DHX36: variants seen among roughly 807,000 people sequenced by gnomAD.
The protein encoded by DHX36 is ATP-dependent DNA/RNA helicase DHX36.
A neutral mutation model predicts 139.0 loss-of-function variants in DHX36; 50 were observed. The observed-to-expected ratio is 0.36, with a 90% CI of 0.29 to 0.46. DHX36 has a LOEUF of 0.46. DHX36 is among the 20% of genes least tolerant of loss of function. The pLI, the probability that DHX36 is intolerant of heterozygous loss-of-function variation, is 1.00. For missense variants in DHX36, 1,024 were observed against 1,211.3 expected, an observed-to-expected ratio of 0.85 and a Z score of 2.29; for synonymous variants, 425 against 401.9, an observed-to-expected ratio of 1.06 and a Z score of -0.69.
chr3:154,306,123 TC>T, intron 6 of DHX36, 92 bp downstream of exon 6: 4 of 931,500 alleles, frequency 4.3e-6, no homozygotes, highest in Non-Finnish European at 6.8e-6. Flanking sequence ...GTAATAACCA[TC>T]ATAAAAATGG....
chr3:154,310,065 C>G (rs1712671936), intron 4 of DHX36, among the ~76,000 whole-genome samples: 1 of 151,994 alleles, frequency 6.6e-6, no homozygotes, highest in South Asian at 2.1e-4. Context: ...TTGACATAAA[C>G]AAGAAGAGAC....
chr3:154,323,993 C>G (rs1165493522), intron 1 of DHX36, among the ~76,000 whole-genome samples, 181 bp downstream of exon 1: 1 of 152,198 alleles, frequency 6.6e-6, no homozygotes, highest in Non-Finnish European at 1.5e-5. Flanking sequence ...GTCAGATGAG[C>G]ATGGCTAATG....
intron 8 of DHX36, 46 bp from the exon 9 acceptor site, chr3:154,303,456 T>C (rs1277932892): frequency 1.5e-6 from 2 of 1,335,480 alleles, no homozygotes; most frequent in East Asian, 4.7e-5. Flanking sequence ...ACTCAAATGT[T>C]AAAAACATTA....
rs908638366 is a variant in DHX36, at chr3:154,288,921, A to G, written c.1976T>C (p.Met659Thr). The G allele has an allele frequency of 5.7e-6, 9 of 1,591,210 alleles. No individual in the cohort carries two copies. The Admixed American group carries it at 8.5e-5, about 15-fold the overall frequency. ...CACTGCCTCATTTGATGGTGGGTCC[A>G]TTAATCTACTCAGAAAATAAGCAAT... The part of the protein sequence containing the change: ...GGIAYFLSRL[M>T]DPPSNEAVLL... Residue 659 changes from methionine (M) to threonine (T), a missense_variant, in exon 17 of 25, where the codon ATG becomes ACG. Coordinates refer to ENST00000496811, the MANE Select transcript of DHX36 (RefSeq NM_020865.3).
rs529965388 is a variant in DHX36 at position 154,303,346 on chromosome 3, A to T, written c.1200T>A (p.Asp400Glu). ...TFPVVEYLLE[D>E]VIEKIRYVPE... is the part of the protein sequence containing the mutation. ...TTACTTACCTTATTTTTTCAATTAC[A>T]TCTTCCAAAAGATATTCCACAACCG... The change falls in exon 9 of 25, where the codon GAT becomes GAA. Residue 400 changes from aspartate to glutamate, a missense_variant. By Grantham distance (45) the Asp-to-Glu change is conservative. Coordinates refer to ENST00000496811, the MANE Select transcript of DHX36 (RefSeq NM_020865.3). The T allele has an allele frequency of 8.7e-6, 14 of 1,602,718 alleles. No individual in the cohort carries two copies. The highest frequency in any genetic ancestry group is 1.1e-5 in the Non-Finnish European group (13 of 1,174,044).
intron 13 of DHX36, among the ~76,000 whole-genome samples, chr3:154,294,783 T>A (rs1474316925): frequency 6.6e-6 from 1 of 152,224 alleles, no homozygotes; most frequent in African/African-American, 2.4e-5. Flanking sequence ...CATAACATTA[T>A]CCTGCCTCTG....
chr3:154,321,926 C>CAAAAA, intron 1 of DHX36, among the ~76,000 whole-genome samples: 1 of 111,914 alleles, frequency 8.9e-6, no homozygotes, highest in Non-Finnish European at 1.9e-5. Flanking sequence ...GACTCCAACT[C>CAAAAA]AAAAAAAAAA....
At chr3:154,288,042 C>G (rs754836728) in intron 17 of DHX36, among the ~76,000 whole-genome samples, 3 of 150,614 alleles carry the variant, frequency 2.0e-5, no homozygotes, top group Non-Finnish European at 3.0e-5. Flanking sequence ...CGTTATCTAC[C>G]CAACTTGATC....
intron 6 of DHX36, 148 bp downstream of exon 6, chr3:154,306,065 GGCA>G (rs1712489435): frequency 1.9e-6 from 1 of 536,746 alleles, no homozygotes; most frequent in Non-Finnish European, 3.3e-6. Context: ...ATAAATTTGT[GGCA>G]GCAAGTCATC....
intron 19 of DHX36, 134 bp downstream of exon 19, chr3:154,284,447 CTA>C (rs1410243026): frequency 1.5e-6 from 1 of 688,688 alleles, no homozygotes; most frequent in Non-Finnish European, 2.3e-6. Context: ...TCCCAAAGTG[CTA>C]TGATTACAGG....
intron 15 of DHX36, among the ~76,000 whole-genome samples, chr3:154,290,735 A>C (rs1225516055): frequency 6.6e-6 from 1 of 152,148 alleles, no homozygotes; most frequent in African/African-American, 2.4e-5. Context: ...ATAGGAACAA[A>C]AATGAATTCT....
chr3:154,317,764 T>C (rs1713039771), intron 1 of DHX36, among the ~76,000 whole-genome samples: 1 of 151,994 alleles, frequency 6.6e-6, no homozygotes, highest in South Asian at 2.1e-4. Flanking sequence ...GGAGCTAGGG[T>C]AAGGAGACTG....
chr3:154,290,577 A>G (rs191269322), intron 15 of DHX36, among the ~76,000 whole-genome samples: 22 of 149,110 alleles, frequency 1.5e-4, no homozygotes, highest in Admixed American at 7.4e-4. Flanking sequence ...CAGAGGTTGC[A>G]GTGAGCCAAG....
intron 17 of DHX36, 85 bp downstream of exon 17, chr3:154,288,781 G>T: frequency 2.9e-6 from 2 of 684,466 alleles, no homozygotes; most frequent in Non-Finnish European, 4.4e-6. Context: ...CTACTTTGCA[G>T]TAATGAGAGT....
chr3:154,289,907 CA>C (rs1345064606), intron 15 of DHX36, 81 bp from the exon 16 acceptor site: 1 of 773,682 alleles, frequency 1.3e-6, no homozygotes, highest in African/African-American at 1.8e-5. Flanking sequence ...AAATACTAGG[CA>C]GGGAAGTAGC....
At chr3:154,284,064 G>A (rs573916885) in intron 19 of DHX36, among the ~76,000 whole-genome samples, 24 of 152,058 alleles carry the variant, frequency 1.6e-4, no homozygotes, top group South Asian at 4.2e-4. Flanking sequence ...TCCCCAAAAC[G>A]GTAAATGTAA....
chr3:154,296,336 T>C (rs1489494392), intron 12 of DHX36, among the ~76,000 whole-genome samples: 3 of 152,012 alleles, frequency 2.0e-5, no homozygotes, highest in Non-Finnish European at 4.4e-5. Context: ...TAGCTGGGCG[T>C]GTTGGCGGGC....
At chr3:154,292,798 A>G (rs1386373284) in intron 14 of DHX36, 104 bp from the exon 15 acceptor site, 1 of 1,467,434 alleles carries the variant, frequency 6.8e-7, no homozygotes, top group African/African-American at 1.4e-5. Flanking sequence ...ACCAATAAAT[A>G]GGTATTTCAG....
In DHX36 at chr3:154,315,200, T is replaced by C. The variant is rs879119392; in HGVS notation, c.449A>G (p.Gln150Arg). ...CCTGATTCTAAACATTTTTTTTTCT[T>C]GATTTATCAACTTCTTTTCCTGGAT... ...LDIQEKKLIN[Q>R]EKKMFRIRNR... is the part of the protein sequence containing the mutation. The change falls in exon 3 of 25, where the codon CAA (glutamine) becomes CGA (arginine). Residue 150 changes from glutamine to arginine, a missense_variant. Around this residue, in one of 4 missense-constraint regions of DHX36, gnomAD observed 293 missense variants for 274.4 expected, o/e 1.07. Coordinates refer to ENST00000496811, the MANE Select transcript of DHX36 (RefSeq NM_020865.3). The C allele has an allele frequency of 4.3e-6, 7 of 1,613,492 alleles. No homozygotes were observed. Among genetic ancestry groups the C allele is most frequent in the Non-Finnish European group, 5.9e-6 (7 of 1,179,738 alleles).
Sources: allele counts gnomAD v4.1 joint callset (sites outside exome capture counted in the v4.1 genomes callset), GRCh38; gene constraint gnomAD v4.1.1; regional missense constraint gnomAD v4.1.1; transcripts MANE v1.5; gene names NCBI Gene and HGNC (gene_info 2026-07-23, HGNC 2026-07-21).